ZNF814: variants seen among roughly 807,000 people sequenced by gnomAD.
ZNF814 encodes the protein zinc finger protein 814.
Under a neutral mutation model 7.5 loss-of-function variants are expected in ZNF814, and 5 were observed. That is an observed-to-expected ratio of 0.67 (90% CI 0.35 to 1.40). ZNF814 has a LOEUF of 1.40. Ranked by LOEUF, ZNF814 falls within the 40% of genes most tolerant of loss-of-function variation. ZNF814 has a pLI of 0.04. For synonymous variants in ZNF814, 315 were observed against 340.7 expected, an observed-to-expected ratio of 0.92 and a Z score of 0.83; for missense variants, 962 against 1,018.0, an observed-to-expected ratio of 0.94 and a Z score of 0.75.
chr19:57,873,586 T>G lies in ZNF814; in HGVS notation c.1804A>C (p.Arg602=). ...RSHQRVHTGE[R]PYECGECGKS... The stretch of plus-strand genomic sequence containing the variant: ...CCACATTCTCCACACTCATAAGGCC[T>G]CTCTCCAGTATGAACGCGCTGATGG... The change falls in exon 3 of 3, where the codon AGG becomes CGG. Residue 602 remains arginine, a synonymous_variant. Coordinates refer to ENST00000435989, the MANE Select transcript of ZNF814 (RefSeq NM_001144989.2). 2 of 1,614,014 alleles carry G rather than the reference T, an allele frequency of 1.2e-6. No individual in the cohort carries two copies. Among genetic ancestry groups the G allele is most frequent in the Non-Finnish European group, 1.7e-6 (2 of 1,179,994 alleles).
rs555889357 is a variant in ZNF814 at position 57,871,393 on chromosome 19, A to C, written c.*1429T>G. 1.3e-5 allele frequency: 2 copies of C among 152,200 alleles called. No homozygotes were observed. Among genetic ancestry groups the C allele is most frequent in the African/African-American group, 4.8e-5 (2 of 41,448 alleles). The allele number at this position is 152,200 out of a possible 1,614,324, so 9.4% of individuals were successfully genotyped here. A position where few individuals can be genotyped will look rare whatever the true frequency, so the allele number is the denominator to read the frequency against. The stretch of plus-strand genomic sequence containing the variant: ...GCAGTCCACAAGTGGAGAAAGCTAC[A>C]TTCTGCATTCATACTGTTCCATGAG... On this transcript the variant is annotated 3_prime_UTR_variant, in exon 3 of 3. Transcript: ENST00000435989.
chr19:57,877,081 T>A, intron 1 of ZNF814, 39 bp from the exon 2 acceptor site: 2 of 1,608,870 alleles, frequency 1.2e-6, no homozygotes, highest in Non-Finnish European at 1.7e-6. Context: ...AAACTGCCCC[T>A]ATGCTGAGGT....
At chr19:57,886,619 C>G (rs1338270366) in intron 1 of ZNF814, among the ~76,000 whole-genome samples, 2 of 151,998 alleles carry the variant, frequency 1.3e-5, no homozygotes, top group Non-Finnish European at 2.9e-5. Context: ...TGGTTCACGC[C>G]TATAATCCCA....
the ZNF814 span, among the ~76,000 whole-genome samples, chr19:57,904,572 A>G: frequency 1.6e-3 from 240 of 152,340 alleles, no homozygotes; most frequent in Non-Finnish European, 2.9e-3. Flanking sequence ...TCCCTGGGAC[A>G]GCAGGGACCT....
At position 57,873,047 on chromosome 19, in the gene ZNF814, G is replaced by A. The variant is rs537301028; in HGVS notation, c.2343C>T (p.Phe781=). ...GTTTTGTGAAACTGGAGCTTTCAGC[G>A]AAAGATTTTCCACATTCACTGCACT... The part of the protein sequence containing the change: ...PYECSECGKS[F]AESSSFTKHK... Residue 781 remains phenylalanine, a synonymous_variant, in exon 3 of 3, where the codon TTC becomes TTT. Coordinates refer to ENST00000435989, the MANE Select transcript of ZNF814 (RefSeq NM_001144989.2). The A allele has an allele frequency of 1.4e-5, 23 of 1,609,374 alleles. No homozygotes were observed. Among genetic ancestry groups the A allele is most frequent in the African/African-American group, 5.4e-5 (4 of 73,622 alleles).
In ZNF814 at chr19:57,888,734, G is replaced by A. The variant is rs755396820; in HGVS notation, c.36+33C>T. The stretch of plus-strand genomic sequence containing the variant: ...CTCGCTGCTTTTGGGTGACGATGAG[G>A]TGACCTGAGGACACAGAAGGCCCCA... On this transcript the variant is annotated intron_variant, in intron 1 of 2. Coordinates refer to ENST00000435989, the MANE Select transcript of ZNF814 (RefSeq NM_001144989.2). 2.1e-5 allele frequency: 32 copies of A among 1,553,504 alleles called. No homozygotes were observed. The East Asian group carries it at 3.7e-4, about 18-fold the overall frequency.
the ZNF814 span, among the ~76,000 whole-genome samples, chr19:57,902,827 AT>A: frequency 6.6e-6 from 1 of 151,642 alleles, no homozygotes; most frequent in Non-Finnish European, 1.5e-5. Context: ...TGCCCGGCTA[AT>A]TTTTTGTGGC....
At chr19:57,895,675 C>G in the ZNF814 span, among the ~76,000 whole-genome samples, 1 of 152,086 alleles carries the variant, frequency 6.6e-6, no homozygotes. Flanking sequence ...CATCCTTTAC[C>G]CAGGTGCCCC....
chr19:57,901,132 A>G, the ZNF814 span, among the ~76,000 whole-genome samples: 19 of 151,174 alleles, frequency 1.3e-4, no homozygotes, highest in African/African-American at 2.4e-4. Flanking sequence ...CACCGCGCCC[A>G]GCAGCCATGG....
chr19:57,886,839 C>G (rs1159726229), intron 1 of ZNF814, among the ~76,000 whole-genome samples: 2 of 151,350 alleles, frequency 1.3e-5, no homozygotes, highest in Non-Finnish European at 2.9e-5. Flanking sequence ...GAGATCACAC[C>G]ACTGCACTCC....
upstream of ZNF814, among the ~76,000 whole-genome samples, chr19:57,889,428 C>T (rs1307563413): frequency 1.3e-5 from 2 of 151,996 alleles, no homozygotes; most frequent in Non-Finnish European, 2.9e-5. Flanking sequence ...GCCTGTGGTC[C>T]CAGCTGCCCT....
Position 57,873,794 on chromosome 19 carries a change from T to C in ZNF814, c.1596A>G (p.Lys532=). ...TTTGCTGATGGTTCCTAAGATGTCCTTTTGAACTAAATGATTTCCCACATT... is the reference window on the plus strand; with the variant it reads ...TTTGCTGATGGTTCCTAAGATGTCCCTTTGAACTAAATGATTTCCCACATT... The part of the protein sequence containing the change: ...CGECGKSFSS[K]GHLRNHQQIH... Residue 532 remains lysine (K), a synonymous_variant, in exon 3 of 3, where the codon AAA becomes AAG. Transcript: ENST00000435989. 6.2e-7 allele frequency: 1 copy of C among 1,613,368 alleles called. No individual in the cohort carries two copies. Among genetic ancestry groups the C allele is most frequent in the Non-Finnish European group, 8.5e-7 (1 of 1,179,794 alleles).
At chr19:57,884,456 G>T (rs776118676) in intron 1 of ZNF814, among the ~76,000 whole-genome samples, 1 of 152,064 alleles carries the variant, frequency 6.6e-6, no homozygotes, top group Non-Finnish European at 1.5e-5. Flanking sequence ...CTACAAAAAA[G>T]TTTAAAAGCT....
chr19:57,870,395 A>G lies in ZNF814; in HGVS notation c.*2427T>C, dbSNP rs911777988. The G allele has an allele frequency of 1.3e-5, 2 of 152,186 alleles. No individual in the cohort carries two copies. Among genetic ancestry groups the G allele is most frequent in the Admixed American group, 6.5e-5 (1 of 15,274 alleles). 9.4% of individuals were successfully genotyped at this position (152,186 alleles called of 1,614,324 possible). On this transcript the variant is annotated 3_prime_UTR_variant, in exon 3 of 3. Coordinates refer to ENST00000435989, the MANE Select transcript of ZNF814 (RefSeq NM_001144989.2). Reference sequence around the variant, plus strand: ...GGAAAACTAGCCTCCACGGTAGCAAATATTGATGTGGCACTAAGGCCATTT... The same window carrying G: ...GGAAAACTAGCCTCCACGGTAGCAAGTATTGATGTGGCACTAAGGCCATTT...
the ZNF814 span, among the ~76,000 whole-genome samples, chr19:57,899,852 T>C: frequency 4.6e-5 from 7 of 152,216 alleles, no homozygotes; most frequent in East Asian, 1.3e-3. Flanking sequence ...ATTGCTGTAC[T>C]AATAGGACAA....
In ZNF814 at chr19:57,888,872, C is replaced by G; in HGVS notation, c.-70G>C. 1.3e-6 allele frequency: 2 copies of G among 1,521,740 alleles called. No individual in the cohort carries two copies. Among genetic ancestry groups the G allele is most frequent in the Non-Finnish European group, 1.8e-6 (2 of 1,121,116 alleles). 94.3% of individuals were successfully genotyped at this position (1,521,740 alleles called of 1,614,324 possible). On this transcript the variant is annotated 5_prime_UTR_variant, in exon 1 of 3. Transcript: ENST00000435989. The stretch of plus-strand genomic sequence containing the variant: ...GCCAGGAGATATGGGCACGACGGTC[C>G]GTATCCTGGCCCAGGAGTGGGTCAC...
the ZNF814 span, chr19:57,901,607 T>C: frequency 1.3e-5 from 5 of 398,534 alleles, no homozygotes; most frequent in Non-Finnish European, 1.8e-5. Context: ...ATACGAGTGA[T>C]GGCATGAATG....
the ZNF814 span, among the ~76,000 whole-genome samples, chr19:57,902,809 C>T: frequency 2.0e-5 from 3 of 151,868 alleles, no homozygotes; most frequent in Non-Finnish European, 4.4e-5. Context: ...TACAGGCGCC[C>T]ACCACCATGC....
intron 1 of ZNF814, among the ~76,000 whole-genome samples, chr19:57,884,046 C>T (rs1420091740): frequency 2.6e-5 from 4 of 152,110 alleles, no homozygotes; most frequent in Non-Finnish European, 4.4e-5. Flanking sequence ...CGTGAGTCAC[C>T]GAGCCTGGCC....
Sources: allele counts gnomAD v4.1 joint callset (sites outside exome capture counted in the v4.1 genomes callset), GRCh38; gene constraint gnomAD v4.1.1; transcripts MANE v1.5; gene names NCBI Gene and HGNC (gene_info 2026-07-23, HGNC 2026-07-21).